Variants in IMMP2L observed in about 807,000 individuals in gnomAD.
IMMP2L encodes mitochondrial inner membrane protease subunit 2.
A neutral mutation model predicts 19.3 loss-of-function variants in IMMP2L; 18 were observed. The ratio of observed to expected loss-of-function variants is 0.93; its 90% CI spans 0.64 to 1.38. IMMP2L has a LOEUF of 1.38. Among genes scored for constraint, IMMP2L ranks in the 40% most tolerant of loss-of-function variants. The probability of loss-of-function intolerance (pLI) is 0.00; values close to 1 mark genes in which losing one functional copy is unlikely to be tolerated. For missense variants in IMMP2L, 233 were observed against 218.2 expected (o/e 1.07, Z -0.43); for synonymous variants, 76 against 73.0 (o/e 1.04, Z -0.21).
chr7:111,443,416 G>C (rs1426184794), intron 3 of IMMP2L, among the ~76,000 whole-genome samples: 2 of 152,172 alleles, frequency 1.3e-5, no homozygotes, highest in East Asian at 3.9e-4. Context: ...GGATGCAGAG[G>C]AGGATAAAAT....
intron 3 of IMMP2L, among the ~76,000 whole-genome samples, chr7:111,040,679 G>T (rs1377781927): frequency 6.8e-6 from 1 of 147,348 alleles, no homozygotes; most frequent in African/African-American, 2.6e-5. Flanking sequence ...GGCAAAGAAA[G>T]AGAGTAAGAA....
intron 1 of IMMP2L, among the ~76,000 whole-genome samples, chr7:111,535,064 A>T (rs1033465177): frequency 6.6e-6 from 1 of 152,248 alleles, no homozygotes; most frequent in East Asian, 1.9e-4. Flanking sequence ...TTTTTATGAC[A>T]ACTTCTATTT....
At chr7:111,391,475 A>C (rs1251430595) in intron 3 of IMMP2L, among the ~76,000 whole-genome samples, 2 of 152,214 alleles carry the variant, frequency 1.3e-5, no homozygotes, top group Admixed American at 6.6e-5. Context: ...CAAGAAAGTA[A>C]GTACAACGCT....
intron 3 of IMMP2L, among the ~76,000 whole-genome samples, chr7:111,155,148 G>T (rs559463652): frequency 4.6e-5 from 7 of 152,096 alleles, no homozygotes; most frequent in Non-Finnish European, 1.0e-4. Context: ...GGATCAAGAT[G>T]AATATGGCTT....
intron 3 of IMMP2L, among the ~76,000 whole-genome samples, chr7:111,214,225 G>C (rs1467406957): frequency 6.7e-6 from 1 of 150,246 alleles, no homozygotes; most frequent in Non-Finnish European, 1.5e-5. Context: ...ACTAAAATTA[G>C]AGAAATAAAA....
intron 3 of IMMP2L, among the ~76,000 whole-genome samples, chr7:111,015,809 TA>T (rs761501094): frequency 2.7e-5 from 4 of 149,744 alleles, no homozygotes; most frequent in African/African-American, 7.3e-5. Context: ...TTGAATGATT[TA>T]AAAAAAAAAC....
intron 3 of IMMP2L, among the ~76,000 whole-genome samples, chr7:111,295,931 T>A (rs1319717043): frequency 6.9e-6 from 1 of 144,968 alleles, no homozygotes; most frequent in African/African-American, 2.5e-5. Context: ...TCGGAACACA[T>A]AGAAGAAAAT....
intron 3 of IMMP2L, among the ~76,000 whole-genome samples, chr7:111,396,035 G>A (rs750571268): frequency 6.6e-5 from 10 of 152,148 alleles, no homozygotes; most frequent in Non-Finnish European, 1.3e-4. Context: ...GTGTTGGTGG[G>A]AGTGTAAATT....
At chr7:110,720,971 T>C (rs577979269) in intron 5 of IMMP2L, among the ~76,000 whole-genome samples, 1 of 152,202 alleles carries the variant, frequency 6.6e-6, no homozygotes, top group East Asian at 1.9e-4. Context: ...TCCATCTTTC[T>C]TTCAGCTTCT....
chr7:111,003,913 A>G (rs1824003742), intron 3 of IMMP2L, among the ~76,000 whole-genome samples: 1 of 152,168 alleles, frequency 6.6e-6, no homozygotes, highest in South Asian at 2.1e-4. Flanking sequence ...AATTTTTTTA[A>G]AAAGTAGTTA....
intron 3 of IMMP2L, among the ~76,000 whole-genome samples, chr7:111,115,851 A>AT (rs1799820420): frequency 6.6e-6 from 1 of 151,622 alleles, no homozygotes. Flanking sequence ...TAATTTTTGT[A>AT]TTTTTACTAG....
chr7:110,858,528 T>C (rs1293373589), intron 5 of IMMP2L, among the ~76,000 whole-genome samples: 5 of 152,106 alleles, frequency 3.3e-5, no homozygotes, highest in Admixed American at 6.6e-5. Context: ...GGATTAGAAA[T>C]ATCCAGAACC....
chr7:111,200,572 T>C lies in IMMP2L; in HGVS notation c.240-237007A>G, dbSNP rs180898794. On this transcript the variant is annotated intron_variant, in intron 3 of 5. Coordinates refer to ENST00000405709, the MANE Select transcript of IMMP2L (RefSeq NM_032549.4). ...CATTTAAAAATTGAGGAAGGTATTA[T>C]TTCTGCCCGTGAAGAACTCACTATC... Among the ~76,000 whole-genome samples the C allele has an allele frequency of 1.5e-3, 232 of 151,008 alleles. 2 individuals are homozygous for C. Among genetic ancestry groups the C allele is most frequent in the South Asian group, 6.5e-3 (31 of 4,774 alleles).
chr7:110,980,071 C>T (rs1207820617), intron 3 of IMMP2L, among the ~76,000 whole-genome samples: 1 of 151,974 alleles, frequency 6.6e-6, no homozygotes, highest in East Asian at 1.9e-4. Context: ...TTGGTCTCAT[C>T]TGTACAATAA....
chr7:111,140,632 G>A (rs1802784603), intron 3 of IMMP2L, among the ~76,000 whole-genome samples: 2 of 152,142 alleles, frequency 1.3e-5, no homozygotes, highest in South Asian at 4.1e-4. Flanking sequence ...AAGCCATTTT[G>A]GCCAGATGGC....
chr7:111,448,319 C>T (rs1406663284), intron 3 of IMMP2L, among the ~76,000 whole-genome samples: 3 of 143,034 alleles, frequency 2.1e-5, no homozygotes, highest in Non-Finnish European at 3.0e-5. Context: ...TAAAGCTCTC[C>T]TCAGCAAATG....
chr7:111,333,479 C>T (rs942713000), intron 3 of IMMP2L, among the ~76,000 whole-genome samples: 1 of 151,878 alleles, frequency 6.6e-6, no homozygotes, highest in African/African-American at 2.4e-5. Context: ...ACTATGATTT[C>T]AGGAAATGTA....
intron 5 of IMMP2L, among the ~76,000 whole-genome samples, chr7:110,698,293 G>A (rs1794020482): frequency 6.6e-6 from 1 of 152,218 alleles, no homozygotes. Flanking sequence ...AATCAATCAT[G>A]TATAACTGTT....
At chr7:111,056,689 T>C (rs946993272) in intron 3 of IMMP2L, among the ~76,000 whole-genome samples, 6 of 152,232 alleles carry the variant, frequency 3.9e-5, no homozygotes, top group African/African-American at 1.4e-4. Flanking sequence ...ACACATATTT[T>C]GTGCATGTAT....
Sources: gnomAD v4.1 joint callset for allele counts (sites outside exome capture counted in the v4.1 genomes callset) on GRCh38, gnomAD v4.1.1 for gene constraint, MANE v1.5 for transcripts, NCBI Gene and HGNC (gene_info 2026-07-23, HGNC 2026-07-21) for gene names.